DPYSL5: variants seen among roughly 807,000 people sequenced by gnomAD.
The protein encoded by DPYSL5 is dihydropyrimidinase like 5.
Under a neutral mutation model 58.4 loss-of-function variants are expected in DPYSL5, and 9 were observed. The ratio of observed to expected loss-of-function variants is 0.15; its 90% CI spans 0.09 to 0.27. The LOEUF is 0.27. Ranked by LOEUF, DPYSL5 falls within the 10% of genes least tolerant of loss-of-function variation. The pLI is 1.00. For missense variants in DPYSL5, 499 were observed against 770.6 expected (o/e 0.65, Z 4.17); for synonymous variants, 293 against 301.9 (o/e 0.97, Z 0.31).
intron 5 of DPYSL5, among the ~76,000 whole-genome samples, chr2:26,928,704 T>TATATATATATACACACACACAC: frequency 6.3e-5 from 4 of 62,994 alleles, no homozygotes; most frequent in East Asian, 6.2e-4. Flanking sequence ...TATATATATA[T>TATATATATATACACACACACAC]ACACACACAC....
chr2:26,904,827 C>T (rs1664248949), intron 2 of DPYSL5, among the ~76,000 whole-genome samples: 1 of 152,166 alleles, frequency 6.6e-6, no homozygotes. Context: ...CATCTGAGCC[C>T]AGGAAAGTTG....
chr2:26,912,050 C>T (rs1035485645), intron 2 of DPYSL5, among the ~76,000 whole-genome samples: 1 of 152,236 alleles, frequency 6.6e-6, no homozygotes, highest in African/African-American at 2.4e-5. Flanking sequence ...TGAGGTTAGG[C>T]GTCCATCCCC....
intron 5 of DPYSL5, among the ~76,000 whole-genome samples, chr2:26,930,336 T>C (rs1572713221): frequency 6.6e-6 from 1 of 152,318 alleles, no homozygotes; most frequent in East Asian, 1.9e-4. Flanking sequence ...CGCCATTATC[T>C]ATTGGTTAAA....
chr2:26,889,429 C>T (rs1279713654), intron 1 of DPYSL5, among the ~76,000 whole-genome samples: 2 of 152,090 alleles, frequency 1.3e-5, no homozygotes, highest in East Asian at 3.9e-4. Flanking sequence ...GCCACCACGC[C>T]CGGCTAATTT....
rs1663442997 is a variant in DPYSL5 at position 26,877,464 on chromosome 2, A to G, written c.-4-21032A>G. Reference sequence around the variant, plus strand: ...TGCATTCCTGTTTTCTGTGCCTACTACATGTGCTCCACCCCACACCTGCTG... The same window carrying G: ...TGCATTCCTGTTTTCTGTGCCTACTGCATGTGCTCCACCCCACACCTGCTG... On this transcript the variant is annotated intron_variant, in intron 1 of 12. Transcript: ENST00000288699. This position sits in a 1 kb window ranked among gnomAD's most constrained non-coding sequence, Gnocchi z 4.1. Among the ~76,000 whole-genome samples, 2 of 152,230 alleles carry G rather than the reference A, an allele frequency of 1.3e-5. No individual in the cohort carries two copies. The highest frequency in any genetic ancestry group is 1.9e-4 in the East Asian group (1 of 5,172).
At chr2:26,938,109 G>T (rs1238615291) in intron 8 of DPYSL5, among the ~76,000 whole-genome samples, 1 of 152,204 alleles carries the variant, frequency 6.6e-6, no homozygotes. Context: ...AAATGGTTTG[G>T]ATGGGGGCTT....
rs1237907247 is a variant in DPYSL5, at chr2:26,948,890, A to C, written c.*1895A>C. On this transcript the variant is annotated 3_prime_UTR_variant, in exon 13 of 13. Transcript: ENST00000288699. ...GACAAACAAAAAAGTCAGCCCCTGC[A>C]CATCTCTGTAGTGCTTTTCATGTAT... The C allele has an allele frequency of 6.6e-6, 1 of 152,482 alleles. No homozygotes were observed. Among genetic ancestry groups the C allele is most frequent in the Non-Finnish European group, 1.5e-5 (1 of 68,278 alleles). 9.4% of individuals were successfully genotyped at this position (152,482 alleles called of 1,614,324 possible).
At chr2:26,851,806 G>A (rs141570570) in intron 1 of DPYSL5, among the ~76,000 whole-genome samples, 2,457 of 152,208 alleles carry the variant, frequency 0.016, 68 homozygotes, top group African/African-American at 0.056. Flanking sequence ...TTAGCCTGAC[G>A]TGGTGGCGCA....
intron 1 of DPYSL5, among the ~76,000 whole-genome samples, chr2:26,851,244 G>A (rs1240087390): frequency 6.6e-6 from 1 of 152,218 alleles, no homozygotes; most frequent in African/African-American, 2.4e-5. Context: ...TTAAAAGGAT[G>A]TAATCTTCTT....
chr2:26,936,211 G>T (rs939119888), intron 8 of DPYSL5, among the ~76,000 whole-genome samples: 1 of 152,200 alleles, frequency 6.6e-6, no homozygotes, highest in Non-Finnish European at 1.5e-5. Flanking sequence ...CCCTCCGAGG[G>T]TCCCGCTTTC....
In DPYSL5 at chr2:26,924,875, C is replaced by A; in HGVS notation, c.262-12C>A. The A allele has an allele frequency of 6.2e-7, 1 of 1,612,210 alleles. No individual in the cohort carries two copies. Among genetic ancestry groups the A allele is most frequent in the Non-Finnish European group, 8.5e-7 (1 of 1,179,034 alleles). On this transcript the variant is annotated splice_polypyrimidine_tract_variant and intron_variant, in intron 2 of 12. Coordinates refer to ENST00000288699, the MANE Select transcript of DPYSL5 (RefSeq NM_020134.4). The surrounding 1 kb of genome is among the most constrained non-coding windows in gnomAD (Gnocchi z 4.7). ...AGGGCTGTGACGAGACTGCCTTTTC[C>A]CGTCTTCCCAGGCAGCACTCGTCGG...
At chr2:26,906,557 A>G (rs570608151) in intron 2 of DPYSL5, among the ~76,000 whole-genome samples, 1 of 152,176 alleles carries the variant, frequency 6.6e-6, no homozygotes, top group East Asian at 1.9e-4. Context: ...ATATAACCTA[A>G]TCATGGGTAC....
At chr2:26,869,764 C>T (rs1663208573) in intron 1 of DPYSL5, among the ~76,000 whole-genome samples, 1 of 152,184 alleles carries the variant, frequency 6.6e-6, no homozygotes, top group Non-Finnish European at 1.5e-5. Context: ...GTAATCCCAG[C>T]ACTTTGGGAG....
At chr2:26,926,668 G>A (rs1001040260) in intron 3 of DPYSL5, among the ~76,000 whole-genome samples, 1 of 152,232 alleles carries the variant, frequency 6.6e-6, no homozygotes, top group African/African-American at 2.4e-5. Context: ...ATTTTGCCAT[G>A]AAGTTCATGA....
In DPYSL5 at chr2:26,926,490, A is replaced by G. The variant is rs115383148; in HGVS notation, c.421-763A>G. Among the ~76,000 whole-genome samples the G allele has an allele frequency of 4.9e-3, 739 of 152,294 alleles. 6 individuals are homozygous for G. The highest frequency in any genetic ancestry group is 0.017 in the African/African-American group (702 of 41,564). ...CAGGAATTTAAAATTCTGTTTTATA[A>G]TAATCAAATAAATGTTTCTAATTAT... is the stretch of plus-strand genomic sequence containing the variant. On this transcript the variant is annotated intron_variant, in intron 3 of 12. Transcript: ENST00000288699.
In DPYSL5 at chr2:26,853,872, C is replaced by G. The variant is rs572718578; in HGVS notation, c.-5+5618C>G. 6.6e-5 allele frequency among the ~76,000 whole-genome samples: 10 copies of G among 152,212 alleles called. No homozygotes were observed. The East Asian group carries it at 1.4e-3, about 21-fold the overall frequency. On this transcript the variant is annotated intron_variant, in intron 1 of 12. Coordinates refer to ENST00000288699, the MANE Select transcript of DPYSL5 (RefSeq NM_020134.4). ...TGGGAAACATAGGGAAACTCCATCT[C>G]TACAAAAGTTAAAAAAAATTAGCCA...
At chr2:26,931,169 A>ATATGTG (rs1353719385) in intron 5 of DPYSL5, among the ~76,000 whole-genome samples, 15 of 45,700 alleles carry the variant, frequency 3.3e-4, no homozygotes, top group Admixed American at 9.1e-4. Context: ...ATATATATAT[A>ATATGTG]TGTGTGTGTG....
At chr2:26,875,008 A>G (rs1232893549) in intron 1 of DPYSL5, among the ~76,000 whole-genome samples, 2 of 152,218 alleles carry the variant, frequency 1.3e-5, no homozygotes, top group Non-Finnish European at 2.9e-5. Flanking sequence ...TCTTTCAACA[A>G]TGTTGTAGAG....
rs1475752144 is a variant in DPYSL5 at position 26,905,965 on chromosome 2, C to T, written c.261+7205C>T. On this transcript the variant is annotated intron_variant, in intron 2 of 12. Transcript: ENST00000288699. The surrounding 1 kb of genome is among the most constrained non-coding windows in gnomAD (Gnocchi z 4.0). The stretch of plus-strand genomic sequence containing the variant: ...GGAGTCCAGGGTTCTCTGCCAAGCT[C>T]GTGTAGTTGTGGCAGAATTCCATTT... Among the ~76,000 whole-genome samples, 1 of 152,070 alleles carries T rather than the reference C, an allele frequency of 6.6e-6. No homozygotes were observed. Among genetic ancestry groups the T allele is most frequent in the East Asian group, 1.9e-4 (1 of 5,172 alleles).
Sources: gnomAD v4.1 joint callset for allele counts (sites outside exome capture counted in the v4.1 genomes callset) on GRCh38, gnomAD v4.1.1 for gene constraint, Gnocchi (gnomAD v3.1) non-coding constraint, MANE v1.5 for transcripts, NCBI Gene and HGNC (gene_info 2026-07-23, HGNC 2026-07-21) for gene names.